The following WDPCP variants were observed in gnomAD, a reference collection of about 807,000 sequenced individuals.
The protein encoded by WDPCP is WD repeat-containing and planar cell polarity effector protein fritz homolog.
In WDPCP, 71 loss-of-function variants were observed where a neutral mutation model predicts 93.1. That is an observed-to-expected ratio of 0.76 (90% confidence interval 0.63 to 0.93). The LOEUF (loss-of-function observed/expected upper bound fraction) is 0.93, where lower values mean the gene tolerates loss of function less well. Ranked by LOEUF, WDPCP falls within the 40% of genes least tolerant of loss-of-function variation. The probability of loss-of-function intolerance (pLI) is 0.00; values close to 1 mark genes in which losing one functional copy is unlikely to be tolerated. For synonymous variants in WDPCP, 315 were observed against 315.0 expected (o/e 1.00, Z 0.00); for missense variants, 844 against 887.4 (o/e 0.95, Z 0.62).
chr2:63,500,480 T>C (rs972833913), intron 1 of WDPCP, among the ~76,000 whole-genome samples: 1 of 151,866 alleles, frequency 6.6e-6, no homozygotes, highest in Non-Finnish European at 1.5e-5. Context: ...TGTGTGTGTG[T>C]GTAAAGTGGT....
chr2:63,471,405 C>T (rs1029103008), intron 6 of WDPCP, among the ~76,000 whole-genome samples: 5 of 152,122 alleles, frequency 3.3e-5, no homozygotes, highest in Non-Finnish European at 5.9e-5. Context: ...CAAAGCAAGA[C>T]GTGCTTCATA....
chr2:63,732,469 G>C (rs1669576556), intron 2 of WDPCP, among the ~76,000 whole-genome samples: 1 of 152,122 alleles, frequency 6.6e-6, no homozygotes, highest in Non-Finnish European at 1.5e-5. Flanking sequence ...ATCATCAATG[G>C]AATGTAAATA....
intron 1 of WDPCP, among the ~76,000 whole-genome samples, chr2:63,575,464 T>C (rs1575683425): frequency 1.4e-4 from 4 of 29,428 alleles, no homozygotes; most frequent in African/African-American, 5.0e-4. Flanking sequence ...ATACAGTATA[T>C]ATGCAGTATA....
chr2:63,163,708 T>C (rs1291571426), intron 15 of WDPCP, among the ~76,000 whole-genome samples: 1 of 152,184 alleles, frequency 6.6e-6, no homozygotes, highest in East Asian at 1.9e-4. Flanking sequence ...ACAGTTTGTT[T>C]TGAGCCAATC....
chr2:63,578,876 C>T (rs1444614156), intron 1 of WDPCP, among the ~76,000 whole-genome samples: 1 of 152,104 alleles, frequency 6.6e-6, no homozygotes, highest in Non-Finnish European at 1.5e-5. Flanking sequence ...CTTAATGAGG[C>T]TCAAATAATG....
chr2:63,134,132 T>A (rs1461843215), intron 17 of WDPCP, among the ~76,000 whole-genome samples: 1 of 152,140 alleles, frequency 6.6e-6, no homozygotes, highest in East Asian at 1.9e-4. Flanking sequence ...GGGACTCCAT[T>A]GTCAATACAA....
At chr2:63,221,366 G>T (rs1431363670) in intron 14 of WDPCP, among the ~76,000 whole-genome samples, 1 of 152,208 alleles carries the variant, frequency 6.6e-6, no homozygotes. Context: ...GGAATAGGCT[G>T]TGGGGAAGTT....
rs542192705 is a variant in WDPCP, at chr2:63,814,118, T to TTG, written n.223-412_223-411insCA. On this transcript the variant is annotated intron_variant and non_coding_transcript_variant, in intron 1 of 4. Coordinates refer to the WDPCP transcript ENST00000467687. ...AGCTCTGTTTAAGAGTATAGATCACTTAACATATAGTTACCAAACACCTAG... is the reference window on the plus strand; with the variant it reads ...AGCTCTGTTTAAGAGTATAGATCACTTGTAACATATAGTTACCAAACACCTAG... Among the ~76,000 whole-genome samples, 230 of 152,334 alleles carry TTG rather than the reference T, an allele frequency of 1.5e-3. 1 individual carries two copies. Among genetic ancestry groups the TTG allele is most frequent in the African/African-American group, 4.9e-3 (203 of 41,582 alleles).
intron 9 of WDPCP, among the ~76,000 whole-genome samples, chr2:63,405,260 T>C (rs897422453): frequency 2.6e-5 from 4 of 152,144 alleles, no homozygotes; most frequent in African/African-American, 9.7e-5. Context: ...AAAGGATATA[T>C]AGGAATTCTA....
chr2:63,150,372 G>A lies in WDPCP; in HGVS notation c.2190+2542C>T, dbSNP rs1179328179. ...AGAGTTATTTGGTTGCCGTGACTGG[G>A]GTTGGGAAACTACTGGCATTCAGTA... On this transcript the variant is annotated intron_variant, in intron 17 of 17. Transcript: ENST00000272321. 3.3e-5 allele frequency among the ~76,000 whole-genome samples: 5 copies of A among 152,142 alleles called. 1 individual carries two copies. Among genetic ancestry groups the A allele is most frequent in the Non-Finnish European group, 7.4e-5 (5 of 68,018 alleles).
chr2:63,295,521 T>G (rs1421672370), intron 13 of WDPCP, among the ~76,000 whole-genome samples: 2 of 137,366 alleles, frequency 1.5e-5, no homozygotes, highest in Non-Finnish European at 3.1e-5. Context: ...GACTTTAAAT[T>G]TAAAAAGGTT....
intron 2 of WDPCP, among the ~76,000 whole-genome samples, chr2:63,780,218 G>A (rs1055210076): frequency 6.6e-6 from 1 of 152,136 alleles, no homozygotes; most frequent in Non-Finnish European, 1.5e-5. Flanking sequence ...CAAATGTATG[G>A]TGCCAAAAAG....
At chr2:63,346,103 CA>C (rs1689172399) in intron 12 of WDPCP, among the ~76,000 whole-genome samples, 1 of 152,118 alleles carries the variant, frequency 6.6e-6, no homozygotes, top group South Asian at 2.1e-4. Context: ...GGTACTTTTT[CA>C]GGACACAGGA....
chr2:63,567,375 G>A, intron 1 of WDPCP, among the ~76,000 whole-genome samples: 1 of 152,136 alleles, frequency 6.6e-6, no homozygotes, highest in South Asian at 2.1e-4. Context: ...GATTGCAAGG[G>A]TTTTAGAAGC....
intron 3 of WDPCP, chr2:63,597,678 T>G: frequency 9.7e-7 from 1 of 1,033,752 alleles, no homozygotes; most frequent in South Asian, 4.3e-5. Flanking sequence ...TTTCTAGTTC[T>G]GTACAATCAT....
At chr2:63,605,493 T>C in intron 3 of WDPCP, 1 of 854,842 alleles carries the variant, frequency 1.2e-6, no homozygotes, top group Non-Finnish European at 1.9e-6. Context: ...TCAGGTTAGG[T>C]TCATTTCTCA....
chr2:63,571,620 T>C (rs1354573305), intron 1 of WDPCP: 8 of 471,168 alleles, frequency 1.7e-5, no homozygotes, highest in Non-Finnish European at 2.6e-5. Flanking sequence ...GAATTTATCA[T>C]GGTTTTCTGT....
intron 2 of WDPCP, among the ~76,000 whole-genome samples, chr2:63,704,943 T>C (rs1160876966): frequency 6.6e-6 from 1 of 152,216 alleles, no homozygotes; most frequent in Non-Finnish European, 1.5e-5. Flanking sequence ...TTTTTTTGAT[T>C]GGTAAGCTAT....
At chr2:63,738,125 T>C (rs1432587422) in intron 2 of WDPCP, among the ~76,000 whole-genome samples, 1 of 152,160 alleles carries the variant, frequency 6.6e-6, no homozygotes, top group Non-Finnish European at 1.5e-5. Flanking sequence ...TTAGGTGCTC[T>C]GTAGTTTTCC....
Sources: gnomAD v4.1 joint callset for allele counts (sites outside exome capture counted in the v4.1 genomes callset) on GRCh38, gnomAD v4.1.1 for gene constraint, MANE v1.5 for transcripts, NCBI Gene and HGNC (gene_info 2026-07-23, HGNC 2026-07-21) for gene names.